Variants in DIAPH2 observed in about 807,000 individuals in gnomAD.
DIAPH2 encodes protein diaphanous homolog 2.
A neutral mutation model predicts 92.7 loss-of-function variants in DIAPH2; 35 were observed. The ratio of observed to expected loss-of-function variants is 0.38; its 90% confidence interval spans 0.29 to 0.50. The LOEUF (loss-of-function observed/expected upper bound fraction) is 0.50, where lower values mean the gene tolerates loss of function less well. Among genes scored for constraint, DIAPH2 ranks in the 20% least tolerant of loss-of-function variants. The pLI is 0.94. For synonymous variants in DIAPH2, 301 were observed against 280.4 expected, an observed-to-expected ratio of 1.07 and a Z score of -0.73; for missense variants, 701 against 819.5, an observed-to-expected ratio of 0.86 and a Z score of 1.77.
At chrX:97,013,143 T>C (rs1479969482) in intron 17 of DIAPH2, among the ~76,000 whole-genome samples, 1 of 112,350 alleles carries the variant, frequency 8.9e-6, no homozygotes, top group Non-Finnish European at 1.9e-5. Context: ...TTAGGATTTC[T>C]TTAATGCCAG....
chrX:96,957,497 G>C (rs1303474695), intron 15 of DIAPH2, among the ~76,000 whole-genome samples: 1 of 111,346 alleles, frequency 9.0e-6, no homozygotes, highest in Non-Finnish European at 1.9e-5. Context: ...AAAACCTTCA[G>C]GTCTTGTGAG....
intron 22 of DIAPH2, among the ~76,000 whole-genome samples, chrX:97,185,455 GTATATATATATATATACACATATATATA>G (rs2067588042): frequency 1.1e-4 from 1 of 9,114 alleles, no homozygotes; most frequent in African/African-American, 4.2e-4. Context: ...ATATGTGTGT[GTATATATATATATATACACATATATATA>G]TATATATATA....
intron 22 of DIAPH2, among the ~76,000 whole-genome samples, chrX:97,245,268 A>C: frequency 9.1e-6 from 1 of 110,083 alleles, no homozygotes; most frequent in East Asian, 2.8e-4. Flanking sequence ...CCTCTTGAGT[A>C]GCTGGGACTA....
chrX:97,548,037 T>G (rs1230269699), intron 26 of DIAPH2, among the ~76,000 whole-genome samples: 1 of 112,127 alleles, frequency 8.9e-6, no homozygotes, highest in Non-Finnish European at 1.9e-5. Flanking sequence ...TGGTCTGGGC[T>G]AAACAGTGCT....
intron 4 of DIAPH2, among the ~76,000 whole-genome samples, chrX:96,780,833 G>A (rs769070450): frequency 6.2e-5 from 6 of 97,104 alleles, no homozygotes; most frequent in East Asian, 3.3e-4. Flanking sequence ...TTTCGATGAA[G>A]TCTCGCTTTG....
intron 24 of DIAPH2, among the ~76,000 whole-genome samples, chrX:97,373,157 G>C (rs1200294340): frequency 2.7e-5 from 3 of 111,689 alleles, no homozygotes; most frequent in Non-Finnish European, 5.6e-5. Context: ...ATGTCAGTGT[G>C]ACAAATGTCA....
intron 17 of DIAPH2, among the ~76,000 whole-genome samples, chrX:97,067,082 G>A (rs930111844): frequency 9.0e-6 from 1 of 111,470 alleles, no homozygotes; most frequent in African/African-American, 3.3e-5. Flanking sequence ...CTTCGCAGCT[G>A]TAATATGTAG....
intron 26 of DIAPH2, among the ~76,000 whole-genome samples, chrX:97,584,876 G>A (rs1045654684): frequency 5.3e-5 from 6 of 112,631 alleles, no homozygotes; most frequent in East Asian, 2.8e-4. Flanking sequence ...GATTACATCC[G>A]TATAATACAA....
Position 97,235,978 on chromosome X carries a change from A to C in DIAPH2, c.2720-11737A>C, listed in dbSNP as rs1405638342. ...AGTAATCCTATTAATATCCACAGTTAATGAATAAGGAAAATACAACCATAG... is the reference window on the plus strand; with the variant it reads ...AGTAATCCTATTAATATCCACAGTTCATGAATAAGGAAAATACAACCATAG... On this transcript the variant is annotated intron_variant, in intron 22 of 26. Transcript: ENST00000324765. Among the ~76,000 whole-genome samples the C allele has an allele frequency of 1.2e-4, 13 of 111,829 alleles. No individual in the cohort carries two copies. The Admixed American group carries it at 1.2e-3, about 11-fold the overall frequency.
At chrX:97,126,059 A>G (rs188713425) in intron 21 of DIAPH2, among the ~76,000 whole-genome samples, 29 of 112,058 alleles carry the variant, frequency 2.6e-4, no homozygotes, top group Middle Eastern at 9.2e-3. Flanking sequence ...GTGAATTGCT[A>G]TAGTCGTTTT....
chrX:97,175,525 T>C (rs182233344), intron 22 of DIAPH2, among the ~76,000 whole-genome samples: 37 of 112,488 alleles, frequency 3.3e-4, no homozygotes, highest in African/African-American at 1.1e-3. Context: ...GTAAAATATC[T>C]CAGCTGCCTT....
chrX:96,889,351 G>A (rs747939061), intron 5 of DIAPH2, among the ~76,000 whole-genome samples: 62 of 111,468 alleles, frequency 5.6e-4, no homozygotes, highest in African/African-American at 2.0e-3. Context: ...ATAGCTGTGT[G>A]TAAATTGGGA....
At chrX:97,556,115 A>G (rs2147866198) in intron 26 of DIAPH2, among the ~76,000 whole-genome samples, 1 of 111,695 alleles carries the variant, frequency 9.0e-6, no homozygotes, top group South Asian at 3.8e-4. Context: ...TGGTAGAGAG[A>G]CACAGTTAAT....
At chrX:97,176,550 C>G (rs1399704108) in intron 22 of DIAPH2, among the ~76,000 whole-genome samples, 1 of 110,047 alleles carries the variant, frequency 9.1e-6, no homozygotes, top group East Asian at 2.9e-4. Flanking sequence ...TTTTTTGAGA[C>G]GGAGTCTTGC....
chrX:96,943,640 C>T lies in DIAPH2; in HGVS notation c.1444+1504C>T, dbSNP rs915022217. Among the ~76,000 whole-genome samples, 12 of 109,323 alleles carry T rather than the reference C, an allele frequency of 1.1e-4. 1 individual carries two copies. The highest frequency in any genetic ancestry group is 8.7e-4 in the Admixed American group (9 of 10,350). The allele number at this position is 109,323 out of a possible 115,157, so 94.9% of individuals were successfully genotyped here. ...ATCTTAAACATGGAGTCATTGTCACCTCTCACATAATAAACTATAGTTTTT... is the reference window on the plus strand; with the variant it reads ...ATCTTAAACATGGAGTCATTGTCACTTCTCACATAATAAACTATAGTTTTT... On this transcript the variant is annotated intron_variant, in intron 13 of 26. Transcript: ENST00000324765.
intron 4 of DIAPH2, among the ~76,000 whole-genome samples, chrX:96,795,515 C>G (rs1314820292): frequency 9.0e-6 from 1 of 111,645 alleles, no homozygotes; most frequent in African/African-American, 3.3e-5. Context: ...TATTTTCTGT[C>G]TACTTATTCT....
rs1240128521 is a variant in DIAPH2 at position 97,603,605 on chromosome X, TA to T, written c.*4290del. ...TTCTGTCTTATTTTACTATAAGCAC[TA>T]AGAAGAAACTAAGCTATATCTCTAA... is the stretch of plus-strand genomic sequence containing the variant. On this transcript the variant is annotated 3_prime_UTR_variant, in exon 27 of 27. Transcript: ENST00000324765. 3 of 112,251 alleles carry T rather than the reference TA, an allele frequency of 2.7e-5. No homozygotes were observed. Among genetic ancestry groups the T allele is most frequent in the Non-Finnish European group, 5.6e-5 (3 of 53,280 alleles). The allele number at this position is 112,251 out of a possible 1,213,427, so 9.3% of individuals were successfully genotyped here. A position where few individuals can be genotyped will look rare whatever the true frequency, so the allele number is the denominator to read the frequency against.
At chrX:97,536,881 C>T (rs1463190953) in intron 26 of DIAPH2, among the ~76,000 whole-genome samples, 2 of 111,815 alleles carry the variant, frequency 1.8e-5, no homozygotes, top group South Asian at 3.7e-4. Flanking sequence ...ATTATAAGCA[C>T]GGTATTGTGC....
intron 23 of DIAPH2, among the ~76,000 whole-genome samples, chrX:97,308,867 A>G (rs1420326090): frequency 6.7e-5 from 7 of 104,522 alleles, no homozygotes; most frequent in African/African-American, 2.4e-4. Context: ...TAAAAATTCA[A>G]AATTAGCTGG....
Sources: allele counts gnomAD v4.1 joint callset (sites outside exome capture counted in the v4.1 genomes callset), GRCh38; gene constraint gnomAD v4.1.1; transcripts MANE v1.5; gene names NCBI Gene and HGNC (gene_info 2026-07-23, HGNC 2026-07-21).